ZFYVE1: variants seen among roughly 807,000 people sequenced by gnomAD.
ZFYVE1 encodes zinc finger FYVE domain-containing protein 1.
Under a neutral mutation model 74.4 loss-of-function variants are expected in ZFYVE1, and 30 were observed. The observed-to-expected ratio is 0.40, with a 90% CI of 0.30 to 0.55. ZFYVE1 has a LOEUF of 0.55. Ranked by LOEUF, ZFYVE1 falls within the 20% of genes least tolerant of loss-of-function variation. The pLI, the probability that ZFYVE1 is intolerant of heterozygous loss-of-function variation, is 0.42. For missense variants in ZFYVE1, 703 were observed against 1,011.6 expected, an observed-to-expected ratio of 0.69 and a Z score of 4.14; for synonymous variants, 335 against 385.1, an observed-to-expected ratio of 0.87 and a Z score of 1.52.
At chr14:73,011,997 T>C (rs145957435) in intron 2 of ZFYVE1, among the ~76,000 whole-genome samples, 130 of 151,358 alleles carry the variant, frequency 8.6e-4, no homozygotes, top group African/African-American at 2.9e-3. Flanking sequence ...AGAAGGATCA[T>C]GTGAGGCCAG....
At chr14:73,026,853 G>A (rs1417616889) in intron 1 of ZFYVE1, 73 bp downstream of exon 1, 1 of 128,820 alleles carries the variant, frequency 7.8e-6, no homozygotes, top group Non-Finnish European at 1.6e-5. Flanking sequence ...CTGAGCCCCA[G>A]GACGATCACT....
At chr14:73,021,919 C>A (rs1330361204) in intron 2 of ZFYVE1, among the ~76,000 whole-genome samples, 1 of 152,158 alleles carries the variant, frequency 6.6e-6, no homozygotes, top group Non-Finnish European at 1.5e-5. Context: ...AATACACATT[C>A]TCCTCCCCAA....
intron 4 of ZFYVE1, among the ~76,000 whole-genome samples, chr14:72,984,270 C>T (rs1893420015): frequency 6.6e-6 from 1 of 152,148 alleles, no homozygotes; most frequent in Non-Finnish European, 1.5e-5. Context: ...GTGGCTCATG[C>T]CTGTAATCCC....
intron 4 of ZFYVE1, among the ~76,000 whole-genome samples, chr14:72,991,136 T>C (rs1234243611): frequency 6.6e-6 from 1 of 150,476 alleles, no homozygotes; most frequent in Non-Finnish European, 1.5e-5. Context: ...AGGGGAAAAA[T>C]CCCTGAGCAC....
At chr14:73,023,338 GTTTTATATATAATATATATTATATA>G (rs1894377674) in intron 2 of ZFYVE1, among the ~76,000 whole-genome samples, 1 of 58,404 alleles carries the variant, frequency 1.7e-5, no homozygotes, top group African/African-American at 6.6e-5. Flanking sequence ...TATTATATAT[GTTTTATATATAATATATATTATATA>G]TGTTTTATAT....
chr14:73,025,630 A>G (rs1250194584), intron 1 of ZFYVE1, among the ~76,000 whole-genome samples: 1 of 137,730 alleles, frequency 7.3e-6, no homozygotes, highest in African/African-American at 2.7e-5. Flanking sequence ...CAGGAGGCGG[A>G]GGTTGCAGTG....
chr14:73,009,026 A>G (rs758891386), intron 2 of ZFYVE1, among the ~76,000 whole-genome samples: 44 of 152,206 alleles, frequency 2.9e-4, no homozygotes, highest in Non-Finnish European at 5.6e-4. Flanking sequence ...TGGCAGAGAT[A>G]TGGTCTGTGT....
chr14:72,992,691 G>A (rs1055553657), intron 4 of ZFYVE1, among the ~76,000 whole-genome samples: 2 of 138,712 alleles, frequency 1.4e-5, no homozygotes, highest in African/African-American at 5.5e-5. Context: ...GCTCCTAAAC[G>A]CCCCCCGAAC....
chr14:72,977,783 G>A, intron 8 of ZFYVE1, 144 bp downstream of exon 8: 1 of 770,076 alleles, frequency 1.3e-6, no homozygotes, highest in Non-Finnish European at 2.0e-6. Context: ...GAACAAAAAA[G>A]CTCTCCAGAT....
intron 2 of ZFYVE1, among the ~76,000 whole-genome samples, chr14:73,012,076 A>G (rs1345394284): frequency 6.6e-6 from 1 of 151,712 alleles, no homozygotes. Context: ...ATAGCTGGAC[A>G]CTGTGGTTCA....
chr14:72,998,506 A>C (rs1893801411), intron 2 of ZFYVE1, among the ~76,000 whole-genome samples, 191 bp from the exon 3 acceptor site: 1 of 152,018 alleles, frequency 6.6e-6, no homozygotes, highest in African/African-American at 2.4e-5. Context: ...TTAGTCAGGG[A>C]AATAACTTAG....
In ZFYVE1 at chr14:73,006,184, C is replaced by G. The variant is rs562358136; in HGVS notation, c.484-7869G>C. 1.3e-3 allele frequency among the ~76,000 whole-genome samples: 201 copies of G among 151,894 alleles called. 1 individual carries two copies. The highest frequency in any genetic ancestry group is 4.3e-3 in the African/African-American group (180 of 41,494). On this transcript the variant is annotated intron_variant, in intron 2 of 11. Transcript: ENST00000556143. The stretch of plus-strand genomic sequence containing the variant: ...TCCGCCCGCCTGGGCCTCCCAAAGT[C>G]CTGGGATTGTAGGCGTGAGCCACCG...
At chr14:73,006,918 G>T (rs1284193853) in intron 2 of ZFYVE1, among the ~76,000 whole-genome samples, 1 of 151,690 alleles carries the variant, frequency 6.6e-6, no homozygotes, top group Admixed American at 6.6e-5. Context: ...GGTTTATGTT[G>T]TCCAGCTGGT....
rs1479647184 is a variant in ZFYVE1, at chr14:72,998,151, G to A, written c.648C>T (p.Ser216=). The change falls in exon 3 of 12, where the codon TCC becomes TCT. Residue 216 remains serine (S), a synonymous_variant. Transcript: ENST00000556143. ...AGGCTGCCCACACTCCCACAGTGCA[G>A]GACTCCTGGGTCGGGGAGGTTTTAA... The part of the protein sequence containing the change: ...EVFKTSPTQE[S]CTVGVWAAYD... The A allele has an allele frequency of 1.2e-6, 2 of 1,614,020 alleles. No homozygotes were observed. The highest frequency in any genetic ancestry group is 1.3e-5 in the African/African-American group (1 of 74,992).
chr14:72,984,720 T>C (rs546516590), intron 4 of ZFYVE1, among the ~76,000 whole-genome samples: 2 of 152,254 alleles, frequency 1.3e-5, no homozygotes, highest in African/African-American at 4.8e-5. Flanking sequence ...TCTCACCTCT[T>C]CCAATGAAGC....
intron 8 of ZFYVE1, among the ~76,000 whole-genome samples, chr14:72,977,233 C>T (rs948966276): frequency 1.3e-5 from 2 of 152,120 alleles, no homozygotes; most frequent in African/African-American, 4.8e-5. Flanking sequence ...CATGGAGAAA[C>T]CCTGTCTTTA....
intron 5 of ZFYVE1, among the ~76,000 whole-genome samples, chr14:72,980,308 G>A (rs1893287285): frequency 6.6e-6 from 1 of 152,188 alleles, no homozygotes; most frequent in Non-Finnish European, 1.5e-5. Flanking sequence ...GAAGTGTGCA[G>A]GACAGGGTGG....
intron 2 of ZFYVE1, among the ~76,000 whole-genome samples, chr14:73,013,485 G>A (rs533278578): frequency 6.6e-6 from 1 of 152,176 alleles, no homozygotes; most frequent in South Asian, 2.1e-4. Flanking sequence ...GCAGGTGCCT[G>A]TAATCCCAGC....
At chr14:72,990,857 C>T (rs976762552) in intron 4 of ZFYVE1, among the ~76,000 whole-genome samples, 7 of 151,690 alleles carry the variant, frequency 4.6e-5, no homozygotes, top group African/African-American at 7.3e-5. Flanking sequence ...TCTGCCACCA[C>T]GCCCAGCTAA....
Sources: allele counts gnomAD v4.1 joint callset (sites outside exome capture counted in the v4.1 genomes callset), GRCh38; gene constraint gnomAD v4.1.1; transcripts MANE v1.5; gene names NCBI Gene and HGNC (gene_info 2026-07-23, HGNC 2026-07-21).